FGGY: variants seen among roughly 807,000 people sequenced by gnomAD.
FGGY encodes the protein FGGY carbohydrate kinase domain-containing protein.
Under a neutral mutation model 71.3 loss-of-function variants are expected in FGGY, and 72 were observed. The ratio of observed to expected loss-of-function variants is 1.01; its 90% CI spans 0.84 to 1.23. The LOEUF is 1.23. Ranked by LOEUF, FGGY falls within the 50% of genes most tolerant of loss-of-function variation. FGGY has a pLI of 0.00. For missense variants in FGGY, 668 were observed against 682.3 expected (o/e 0.98, Z 0.23); for synonymous variants, 251 against 250.3 (o/e 1.00, Z -0.02).
chr1:59,469,889 G>A lies in FGGY; in HGVS notation c.670+12813G>A, dbSNP rs376443209. Among the ~76,000 whole-genome samples, 6 of 152,092 alleles carry A rather than the reference G, an allele frequency of 3.9e-5. No homozygotes were observed. The South Asian group carries it at 6.2e-4, about 16-fold the overall frequency. On this transcript the variant is annotated intron_variant, in intron 6 of 15. Transcript: ENST00000303721. ...CCTGTGTTAGTTGCTAAGAATGATG[G>A]CCTCTAGCTCCATCCATGTCCCTGC... is the stretch of plus-strand genomic sequence containing the variant.
chr1:59,600,220 G>A (rs2096563733), intron 8 of FGGY, among the ~76,000 whole-genome samples: 1 of 152,180 alleles, frequency 6.6e-6, no homozygotes, highest in Non-Finnish European at 1.5e-5. Flanking sequence ...AAAAATATTT[G>A]ACAGAGCACC....
At chr1:59,683,539 T>C (rs1414584299) in intron 14 of FGGY, among the ~76,000 whole-genome samples, 3 of 152,220 alleles carry the variant, frequency 2.0e-5, no homozygotes, top group Non-Finnish European at 4.4e-5. Context: ...TTACAAGGCC[T>C]TGTCCAGCCC....
intron 11 of FGGY, among the ~76,000 whole-genome samples, chr1:59,658,103 C>G (rs1351948205): frequency 6.6e-6 from 1 of 152,184 alleles, no homozygotes; most frequent in Non-Finnish European, 1.5e-5. Flanking sequence ...TAACTGAGTG[C>G]TTACTATGTT....
intron 6 of FGGY, among the ~76,000 whole-genome samples, chr1:59,467,766 AAC>A (rs1475687735): frequency 6.6e-6 from 1 of 152,210 alleles, no homozygotes; most frequent in African/African-American, 2.4e-5. Context: ...AGATGACAAA[AAC>A]ACAGTCACTT....
intron 14 of FGGY, among the ~76,000 whole-genome samples, chr1:59,676,046 C>A (rs952708266): frequency 3.9e-5 from 6 of 152,086 alleles, no homozygotes; most frequent in African/African-American, 4.8e-5. Flanking sequence ...CCCACGAGAC[C>A]CTGACATTGC....
chr1:59,573,532 G>A (rs1230863211), intron 8 of FGGY, among the ~76,000 whole-genome samples: 1 of 151,998 alleles, frequency 6.6e-6, no homozygotes, highest in East Asian at 1.9e-4. Context: ...ATATGTTTAT[G>A]TAAAACATTG....
intron 5 of FGGY, among the ~76,000 whole-genome samples, chr1:59,396,269 G>T (rs978628853): frequency 6.6e-6 from 1 of 152,076 alleles, no homozygotes; most frequent in African/African-American, 2.4e-5. Flanking sequence ...TCTCACTTTT[G>T]CATACTCCTG....
At chr1:59,492,285 T>G (rs567590701) in intron 6 of FGGY, among the ~76,000 whole-genome samples, 2 of 152,272 alleles carry the variant, frequency 1.3e-5, no homozygotes, top group Admixed American at 1.3e-4. Flanking sequence ...AGGGGCTCTC[T>G]TCAGATGATA....
chr1:59,760,977 A>G (rs1040407277), intron 15 of FGGY, among the ~76,000 whole-genome samples: 1 of 152,272 alleles, frequency 6.6e-6, no homozygotes, highest in Non-Finnish European at 1.5e-5. Context: ...AGGTCTTAGT[A>G]GTACCTACAT....
At chr1:59,525,843 G>A (rs940918916) in intron 7 of FGGY, among the ~76,000 whole-genome samples, 3 of 152,142 alleles carry the variant, frequency 2.0e-5, no homozygotes, top group Non-Finnish European at 4.4e-5. Flanking sequence ...GTGCATAACT[G>A]TGTGTCTCTG....
At chr1:59,729,068 T>C (rs1490958903) in intron 14 of FGGY, among the ~76,000 whole-genome samples, 2 of 152,174 alleles carry the variant, frequency 1.3e-5, no homozygotes, top group East Asian at 3.9e-4. Flanking sequence ...TTCCCTCCAT[T>C]CTTTTTTCTT....
At chr1:59,435,579 C>G (rs1052842641) in intron 5 of FGGY, among the ~76,000 whole-genome samples, 2 of 152,180 alleles carry the variant, frequency 1.3e-5, no homozygotes, top group Non-Finnish European at 2.9e-5. Flanking sequence ...CCACTCTCCC[C>G]TTTGCCTGTG....
intron 14 of FGGY, among the ~76,000 whole-genome samples, chr1:59,734,039 G>A (rs200060237): frequency 5.6e-4 from 85 of 152,316 alleles, no homozygotes; most frequent in East Asian, 1.2e-3. Context: ...TGGGGTCCGC[G>A]TGGTATGGCC....
chr1:59,503,774 G>A (rs2094304011), intron 6 of FGGY, among the ~76,000 whole-genome samples: 1 of 151,612 alleles, frequency 6.6e-6, no homozygotes, highest in Admixed American at 6.6e-5. Context: ...CACCACAAAT[G>A]CATATATATA....
chr1:59,531,271 T>G (rs1264599250), intron 7 of FGGY, among the ~76,000 whole-genome samples: 2 of 152,242 alleles, frequency 1.3e-5, no homozygotes, highest in Non-Finnish European at 2.9e-5. Flanking sequence ...CTTTTTCTTC[T>G]AATATATCCA....
chr1:59,535,915 T>A (rs1045131450), intron 7 of FGGY, among the ~76,000 whole-genome samples: 2 of 146,810 alleles, frequency 1.4e-5, no homozygotes, highest in African/African-American at 5.3e-5. Context: ...ACATCACAAT[T>A]AAAAGAACTA....
Position 59,607,822 on chromosome 1 carries a change from T to C in FGGY, c.923T>C (p.Phe308Ser). 6.2e-7 allele frequency: 1 copy of C among 1,614,074 alleles called. No individual in the cohort carries two copies. The highest frequency in any genetic ancestry group is 8.5e-7 in the Non-Finnish European group (1 of 1,179,940). ...TTCCAGATCAGCAAAGACCCGATTT[T>C]TGTACCAGGCGTCTGGGGGCCTTAT... Reference protein sequence around the residue: ...CHMGISKDPIFVPGVWGPYFS... With the variant: ...CHMGISKDPISVPGVWGPYFS... Residue 308 changes from phenylalanine (F) to serine (S), a missense_variant, in exon 9 of 16, where the codon TTT (phenylalanine) becomes TCT (serine). This residue lies in a region of FGGY where 661 missense variants were observed against 661.6 expected (regional missense o/e 1.00). Coordinates refer to ENST00000303721, the MANE Select transcript of FGGY (RefSeq NM_018291.5).
chr1:59,589,158 G>C (rs1269949515), intron 8 of FGGY, among the ~76,000 whole-genome samples: 1 of 152,130 alleles, frequency 6.6e-6, no homozygotes, highest in African/African-American at 2.4e-5. Context: ...TGATAAAACA[G>C]ACTTTAAACC....
intron 14 of FGGY, among the ~76,000 whole-genome samples, chr1:59,715,827 G>A (rs1037927876): frequency 6.6e-6 from 1 of 152,100 alleles, no homozygotes; most frequent in Non-Finnish European, 1.5e-5. Context: ...ATTGGAGATT[G>A]GCAAACTACT....
Sources: gnomAD v4.1 joint callset for allele counts (sites outside exome capture counted in the v4.1 genomes callset) on GRCh38, gnomAD v4.1.1 for gene constraint, gnomAD v4.1.1 regional missense constraint, MANE v1.5 for transcripts, NCBI Gene and HGNC (gene_info 2026-07-23, HGNC 2026-07-21) for gene names.